The following GLYATL1B variants were observed in gnomAD, a reference collection of about 807,000 sequenced individuals.
GLYATL1B encodes glycine-N-acyltransferase like 1B.
A neutral mutation model predicts 5.5 loss-of-function variants in GLYATL1B; 6 were observed. That is an observed-to-expected ratio of 1.09 (90% CI 0.60 to 2.15). The LOEUF (loss-of-function observed/expected upper bound fraction) is 2.15, where lower values mean the gene tolerates loss of function less well. GLYATL1B is among the 30% of genes most tolerant of loss of function. The pLI, the probability that GLYATL1B is intolerant of heterozygous loss-of-function variation, is 0.00. For missense variants in GLYATL1B, 135 were observed against 94.1 expected (o/e 1.43, Z -1.80); for synonymous variants, 67 against 34.9 (o/e 1.92, Z -3.24).
chr11:59,092,770 G>T (rs1859344394), intron 2 of GLYATL1B, among the ~76,000 whole-genome samples: 1 of 152,176 alleles, frequency 6.6e-6, no homozygotes, highest in African/African-American at 2.4e-5. Context: ...GGAAAATTCA[G>T]TTACTTCATT....
intron 4 of GLYATL1B, 68 bp from the exon 5 acceptor site, chr11:59,094,301 A>C: frequency 2.1e-6 from 1 of 486,724 alleles, no homozygotes; most frequent in Non-Finnish European, 3.7e-6. Context: ...GATCTCTAGA[A>C]TGGAAGGGCA....
At chr11:59,089,602 C>T (rs1859266044) in intron 2 of GLYATL1B, among the ~76,000 whole-genome samples, 1 of 152,104 alleles carries the variant, frequency 6.6e-6, no homozygotes. Context: ...TGATATTCAA[C>T]ATATATTTTC....
intron 2 of GLYATL1B, 40 bp from the exon 3 acceptor site, chr11:59,093,489 A>C (rs1859363774): frequency 6.3e-6 from 3 of 474,928 alleles, no homozygotes; most frequent in Non-Finnish European, 1.2e-5. Flanking sequence ...GAGAAGAAAA[A>C]GTTCAAGGGA....
At chr11:59,090,313 C>G (rs929672549) in intron 2 of GLYATL1B, among the ~76,000 whole-genome samples, 1 of 151,904 alleles carries the variant, frequency 6.6e-6, no homozygotes, top group African/African-American at 2.4e-5. Flanking sequence ...CCCCAATTTC[C>G]CCAACTAAGT....
chr11:59,086,930 A>G (rs1451414139), intron 1 of GLYATL1B, 134 bp from the exon 2 acceptor site: 1 of 436,230 alleles, frequency 2.3e-6, no homozygotes, highest in African/African-American at 2.0e-5. Context: ...GGTCCTGGAG[A>G]TGCTGTTCAT....
chr11:59,086,975 T>C (rs1277614766), intron 1 of GLYATL1B, 89 bp from the exon 2 acceptor site: 52 of 479,186 alleles, frequency 1.1e-4, no homozygotes, highest in Non-Finnish European at 1.6e-4. Flanking sequence ...GTACTGTCTC[T>C]TGATCTCCAT....
At chr11:59,088,731 A>G (rs1162505428) in intron 2 of GLYATL1B, among the ~76,000 whole-genome samples, 1 of 152,208 alleles carries the variant, frequency 6.6e-6, no homozygotes, top group Non-Finnish European at 1.5e-5. Context: ...AAACAAAAAT[A>G]TTAAAATATA....
chr11:59,088,393 C>T (rs370723114), intron 2 of GLYATL1B, among the ~76,000 whole-genome samples: 1 of 152,128 alleles, frequency 6.6e-6, no homozygotes, highest in Admixed American at 6.5e-5. Context: ...TGAACTGAAG[C>T]CTCATGGCCA....
chr11:59,086,833 A>C (rs539361443), intron 1 of GLYATL1B, among the ~76,000 whole-genome samples: 1 of 152,226 alleles, frequency 6.6e-6, no homozygotes. Flanking sequence ...ACAAGTGCCC[A>C]GCTACTGCAC....
intron 2 of GLYATL1B, among the ~76,000 whole-genome samples, chr11:59,087,790 G>A (rs1859221433): frequency 6.6e-6 from 1 of 152,132 alleles, no homozygotes; most frequent in Non-Finnish European, 1.5e-5. Flanking sequence ...TGAGGCTGCA[G>A]TGAGCCAAGA....
At chr11:59,088,008 G>C (rs1859225577) in intron 2 of GLYATL1B, among the ~76,000 whole-genome samples, 1 of 152,176 alleles carries the variant, frequency 6.6e-6, no homozygotes, top group Non-Finnish European at 1.5e-5. Flanking sequence ...AAACAACACT[G>C]AGAAATATTC....
In GLYATL1B at chr11:59,094,129, T is replaced by C. The variant is rs1859379507; in HGVS notation, c.491+18T>C. ...TTGGAGAGGTACAAAAAACATGTGC[T>C]GATCATTTATAATTGCTATTCCTTG... On this transcript the variant is annotated intron_variant, in intron 4 of 4. Transcript: ENST00000527482. 1.7e-6 allele frequency: 1 copy of C among 590,264 alleles called. No individual in the cohort carries two copies. The allele number at this position is 590,264 out of a possible 1,614,324, so 36.6% of individuals were successfully genotyped here. A position where few individuals can be genotyped will look rare whatever the true frequency, so the allele number is the denominator to read the frequency against.
In GLYATL1B at chr11:59,094,512, G is replaced by C. The variant is rs540362139; in HGVS notation, c.635G>C (p.Gly212Ala). The C allele has an allele frequency of 1.6e-4, 124 of 795,652 alleles. No homozygotes were observed. Among genetic ancestry groups the C allele is most frequent in the Non-Finnish European group, 2.5e-4 (119 of 476,070 alleles). 49.3% of individuals were successfully genotyped at this position (795,652 alleles called of 1,614,324 possible). ...GCCCTGCCAGCAGCCTGTATGCTGG[G>C]CCCAGAGGGGGTCCCGGTCTCATGG... Reference protein sequence around the residue: ...LGALPAACMLGPEGVPVSWVT... With the variant: ...LGALPAACMLAPEGVPVSWVT... The change falls in exon 5 of 5, where the codon GGC becomes GCC. Residue 212 changes from glycine to alanine, a missense_variant. Coordinates refer to ENST00000527482, the MANE Select transcript of GLYATL1B (RefSeq NM_001355566.1).
intron 2 of GLYATL1B, among the ~76,000 whole-genome samples, chr11:59,087,701 G>A (rs1859218891): frequency 6.6e-6 from 1 of 152,044 alleles, no homozygotes; most frequent in Non-Finnish European, 1.5e-5. Flanking sequence ...AACAAAATTA[G>A]CAGGGCATGG....
At chr11:59,090,807 A>T (rs1859292206) in intron 2 of GLYATL1B, among the ~76,000 whole-genome samples, 1 of 152,200 alleles carries the variant, frequency 6.6e-6, no homozygotes, top group South Asian at 2.1e-4. Context: ...ATAATGTACA[A>T]CCTAAGAAAA....
chr11:59,090,152 T>C (rs1339945413), intron 2 of GLYATL1B, among the ~76,000 whole-genome samples: 2 of 152,108 alleles, frequency 1.3e-5, no homozygotes, highest in East Asian at 1.9e-4. Context: ...GCTATTTCTG[T>C]ATTTGTTTCT....
chr11:59,089,789 T>C (rs537826844), intron 2 of GLYATL1B, among the ~76,000 whole-genome samples: 1 of 152,314 alleles, frequency 6.6e-6, no homozygotes, highest in East Asian at 1.9e-4. Context: ...TCTAATTTGA[T>C]AGATTTTCAC....
chr11:59,092,553 A>G (rs1344185501), intron 2 of GLYATL1B, among the ~76,000 whole-genome samples: 2 of 152,206 alleles, frequency 1.3e-5, no homozygotes, highest in Admixed American at 6.5e-5. Flanking sequence ...AATTAGTTAC[A>G]CTATTTTCTC....
chr11:59,093,397 G>T, intron 2 of GLYATL1B, 132 bp from the exon 3 acceptor site: 1 of 386,232 alleles, frequency 2.6e-6, no homozygotes. Context: ...TATTATCCAC[G>T]TGCCCAACTG....
Sources: allele counts gnomAD v4.1 joint callset (sites outside exome capture counted in the v4.1 genomes callset), GRCh38; gene constraint gnomAD v4.1.1; transcripts MANE v1.5; gene names NCBI Gene and HGNC (gene_info 2026-07-23, HGNC 2026-07-21).